GUCY1A2: variants seen among roughly 807,000 people sequenced by gnomAD.
GUCY1A2 encodes guanylate cyclase soluble subunit alpha-2.
In GUCY1A2, 27 loss-of-function variants were observed where a neutral mutation model predicts 63.5. The observed-to-expected ratio is 0.43, with a 90% CI of 0.31 to 0.59. The LOEUF (loss-of-function observed/expected upper bound fraction) is 0.59. GUCY1A2 is among the 20% of genes least tolerant of loss of function. GUCY1A2 has a pLI of 0.11. For missense variants in GUCY1A2, 768 were observed against 913.3 expected, an observed-to-expected ratio of 0.84 and a Z score of 2.05; for synonymous variants, 364 against 343.5, an observed-to-expected ratio of 1.06 and a Z score of -0.66.
At position 106,946,764 on chromosome 11, in the gene GUCY1A2, T is replaced by C. The variant is rs527731406; in HGVS notation, c.488-6586A>G. ...AGTATGGGGTTTCTTTTTGGAGTGATGAAAATGTTCTAAAATTGATTGTAG... is the reference window on the plus strand; with the variant it reads ...AGTATGGGGTTTCTTTTTGGAGTGACGAAAATGTTCTAAAATTGATTGTAG... On this transcript the variant is annotated intron_variant, in intron 3 of 7. Coordinates refer to ENST00000526355, the MANE Select transcript of GUCY1A2 (RefSeq NM_000855.3). Among the ~76,000 whole-genome samples, 4 of 152,302 alleles carry C rather than the reference T, an allele frequency of 2.6e-5. No homozygotes were observed. The East Asian group carries it at 7.7e-4, about 29-fold the overall frequency.
At chr11:106,687,936 G>T (rs2135333238) in intron 7 of GUCY1A2, among the ~76,000 whole-genome samples, 180 bp from the exon 8 acceptor site, 1 of 152,108 alleles carries the variant, frequency 6.6e-6, no homozygotes, top group Non-Finnish European at 1.5e-5. Context: ...ACTCAGAAAA[G>T]ATCCCTTCAT....
At chr11:106,773,353 A>C (rs901200350) in intron 6 of GUCY1A2, among the ~76,000 whole-genome samples, 11 of 152,194 alleles carry the variant, frequency 7.2e-5, no homozygotes, top group African/African-American at 2.4e-4. Context: ...TGTTGATGTC[A>C]GTAGCTGAGG....
chr11:106,963,053 T>C (rs1861080311), intron 3 of GUCY1A2, among the ~76,000 whole-genome samples: 1 of 152,182 alleles, frequency 6.6e-6, no homozygotes, highest in African/African-American at 2.4e-5. Flanking sequence ...GTGAAGATCC[T>C]GTGTAACTAA....
intron 6 of GUCY1A2, among the ~76,000 whole-genome samples, chr11:106,774,338 G>A (rs1384536304): frequency 1.3e-5 from 2 of 151,866 alleles, no homozygotes; most frequent in Non-Finnish European, 2.9e-5. Flanking sequence ...TCACCATCTT[G>A]GCCAAACTGG....
chr11:106,855,996 G>A (rs1171608346), intron 4 of GUCY1A2, among the ~76,000 whole-genome samples: 1 of 151,514 alleles, frequency 6.6e-6, no homozygotes, highest in Non-Finnish European at 1.5e-5. Context: ...TGTGACCTCA[G>A]CTTACTGCAG....
chr11:106,730,548 G>A (rs1256511575), intron 6 of GUCY1A2, among the ~76,000 whole-genome samples: 2 of 151,774 alleles, frequency 1.3e-5, no homozygotes, highest in East Asian at 1.9e-4. Flanking sequence ...TCTATATCTC[G>A]CTATTCTGAA....
intron 6 of GUCY1A2, among the ~76,000 whole-genome samples, chr11:106,737,076 A>C (rs1863602737): frequency 6.6e-6 from 1 of 152,182 alleles, no homozygotes; most frequent in African/African-American, 2.4e-5. Context: ...CAAATCCCTT[A>C]GCACTTTGGT....
At chr11:106,727,331 G>A (rs929074863) in intron 6 of GUCY1A2, among the ~76,000 whole-genome samples, 2 of 152,208 alleles carry the variant, frequency 1.3e-5, no homozygotes, top group Non-Finnish European at 2.9e-5. Flanking sequence ...GAGCTGTCCT[G>A]TGGGATGCAG....
chr11:106,733,058 T>C (rs1402010758), intron 6 of GUCY1A2, among the ~76,000 whole-genome samples: 1 of 152,164 alleles, frequency 6.6e-6, no homozygotes, highest in Non-Finnish European at 1.5e-5. Flanking sequence ...TTCAACACTA[T>C]AATGGTTTCA....
chr11:106,744,681 CAAAG>C (rs1329552593), intron 6 of GUCY1A2, among the ~76,000 whole-genome samples: 1 of 152,026 alleles, frequency 6.6e-6, no homozygotes, highest in Admixed American at 6.6e-5. Flanking sequence ...ACTGAGTGAA[CAAAG>C]AAAGAGCTTG....
At chr11:106,832,615 A>T (rs7944788) in intron 4 of GUCY1A2, among the ~76,000 whole-genome samples, 138,338 of 152,074 alleles carry the variant, frequency 0.91, 63,005 homozygotes, top group East Asian at 1. Context: ...AACTTGCATA[A>T]GTGTGCATGT....
intron 6 of GUCY1A2, among the ~76,000 whole-genome samples, chr11:106,770,003 C>T (rs1189623616): frequency 1.3e-5 from 2 of 151,780 alleles, no homozygotes; most frequent in African/African-American, 4.8e-5. Flanking sequence ...GCATGTTCAA[C>T]CAACCGTGGA....
intron 4 of GUCY1A2, among the ~76,000 whole-genome samples, chr11:106,835,523 T>C (rs1314220618): frequency 6.6e-6 from 1 of 151,732 alleles, no homozygotes; most frequent in East Asian, 1.9e-4. Context: ...AATTTTGAAG[T>C]ACCAGATTGT....
intron 6 of GUCY1A2, among the ~76,000 whole-genome samples, chr11:106,709,487 TA>T (rs1863008958): frequency 4.6e-5 from 1 of 21,880 alleles, no homozygotes; most frequent in South Asian, 1.4e-3. Context: ...ATTATATATT[TA>T]TATATATATA....
chr11:106,790,309 C>T lies in GUCY1A2; in HGVS notation c.1693-13727G>A, dbSNP rs530427261. Among the ~76,000 whole-genome samples, 19 of 152,290 alleles carry T rather than the reference C, an allele frequency of 1.2e-4. No homozygotes were observed. The South Asian group carries it at 1.4e-3, about 12-fold the overall frequency. ...CACAGGGACATCAAACAGGCTACCG[C>T]TGATGTTCACTTAAGGCCCAAGGGC... On this transcript the variant is annotated intron_variant, in intron 5 of 7. Transcript: ENST00000526355.
intron 5 of GUCY1A2, among the ~76,000 whole-genome samples, chr11:106,801,272 G>T (rs1858598926): frequency 6.6e-6 from 1 of 152,060 alleles, no homozygotes; most frequent in Admixed American, 6.6e-5. Flanking sequence ...CCTCATGTTT[G>T]TAACAAGGAC....
At chr11:106,879,080 G>A (rs1859789954) in intron 4 of GUCY1A2, among the ~76,000 whole-genome samples, 1 of 151,924 alleles carries the variant, frequency 6.6e-6, no homozygotes. Context: ...TAATGGATAT[G>A]TCCTATATCA....
rs1862533808 is a variant in GUCY1A2, at chr11:106,686,805, G to GAT, written c.*742_*743dup. 5.1e-6 allele frequency: 1 copy of GAT among 197,838 alleles called. No homozygotes were observed. Among genetic ancestry groups the GAT allele is most frequent in the Non-Finnish European group, 1.0e-5 (1 of 95,544 alleles). The allele number at this position is 197,838 out of a possible 1,614,324, so 12.3% of individuals were successfully genotyped here. A position where few individuals can be genotyped will look rare whatever the true frequency, so the allele number is the denominator to read the frequency against. Reference sequence around the variant, plus strand: ...CATGCTACATTAGTTAAATCTAAAAGATATATTTACTAAGCAGACATATAA... The same window carrying GAT: ...CATGCTACATTAGTTAAATCTAAAAGATATATATTTACTAAGCAGACATATAA... On this transcript the variant is annotated 3_prime_UTR_variant, in exon 8 of 8. Coordinates refer to ENST00000526355, the MANE Select transcript of GUCY1A2 (RefSeq NM_000855.3).
chr11:107,001,875 C>T (rs562766053), intron 1 of GUCY1A2, among the ~76,000 whole-genome samples: 7 of 152,000 alleles, frequency 4.6e-5, no homozygotes, highest in Non-Finnish European at 8.8e-5. Context: ...AAAAATTAGC[C>T]GGGCATGGTG....
Sources: allele counts gnomAD v4.1 joint callset (sites outside exome capture counted in the v4.1 genomes callset), GRCh38; gene constraint gnomAD v4.1.1; transcripts MANE v1.5; gene names NCBI Gene and HGNC (gene_info 2026-07-23, HGNC 2026-07-21).